MLLT10: variants seen among roughly 807,000 people sequenced by gnomAD.
MLLT10 encodes MLLT10 histone lysine methyltransferase DOT1L cofactor, also known as protein AF-10.
A neutral mutation model predicts 129.1 loss-of-function variants in MLLT10; 30 were observed. The observed-to-expected ratio is 0.23, with a 90% confidence interval of 0.17 to 0.32. MLLT10 has a LOEUF of 0.32. Among genes scored for constraint, MLLT10 ranks in the 10% least tolerant of loss-of-function variants. The pLI, the probability that MLLT10 is intolerant of heterozygous loss-of-function variation, is 1.00. For missense variants in MLLT10, 1,119 were observed against 1,268.3 expected (o/e 0.88, Z 1.79); for synonymous variants, 490 against 446.4 (o/e 1.10, Z -1.23).
At chr10:21,607,999 T>G (rs1464403230) in intron 5 of MLLT10, among the ~76,000 whole-genome samples, 1 of 151,512 alleles carries the variant, frequency 6.6e-6, no homozygotes. Context: ...GATTCTTGAT[T>G]TACAGGTGTT....
At chr10:21,561,621 A>G (rs901859294) in intron 3 of MLLT10, among the ~76,000 whole-genome samples, 1 of 152,166 alleles carries the variant, frequency 6.6e-6, no homozygotes, top group Non-Finnish European at 1.5e-5. Flanking sequence ...GTGCAGTGTA[A>G]GATAAGTGTC....
At position 21,625,940 on chromosome 10, in the gene MLLT10, A is replaced by G. The variant is rs370206034; in HGVS notation, c.699+8733A>G. ...TACATCTCTTGGTATTTTACCTACAAACACCTCTGTTCCAATTCTAGGTTG... is the reference window on the plus strand; with the variant it reads ...TACATCTCTTGGTATTTTACCTACAGACACCTCTGTTCCAATTCTAGGTTG... On this transcript the variant is annotated intron_variant, in intron 8 of 22. Coordinates refer to ENST00000307729, the MANE Select transcript of MLLT10 (RefSeq NM_001195626.3). 2,552 of 802,482 alleles carry G rather than the reference A, an allele frequency of 3.2e-3. 67 individuals are homozygous for G. The South Asian group carries it at 0.033, about 10-fold the overall frequency. 49.7% of individuals were successfully genotyped at this position (802,482 alleles called of 1,614,324 possible).
chr10:21,652,593 T>A (rs2049152526), intron 9 of MLLT10, among the ~76,000 whole-genome samples: 1 of 152,138 alleles, frequency 6.6e-6, no homozygotes, highest in South Asian at 2.1e-4. Context: ...AATAAATAAG[T>A]TGGGAAGTGC....
rs1589143024 is a variant in MLLT10 at position 21,595,436 on chromosome 10, A to G, written c.401A>G (p.Asn134Ser). 1 of 1,608,856 alleles carries G rather than the reference A, an allele frequency of 6.2e-7. No individual in the cohort carries two copies. Among genetic ancestry groups the G allele is most frequent in the Non-Finnish European group, 8.5e-7 (1 of 1,175,758 alleles). ...CAGTCTGTTCCGCATGATCGTTATA[A>G]TAAGGTACAGTGGATATTATTTTAT... is the stretch of plus-strand genomic sequence containing the variant. ...VLQSVPHDRY[N>S]KTCYICDEQG... Residue 134 changes from asparagine (N) to serine (S), a missense_variant, in exon 5 of 23, where the codon AAT becomes AGT. Physicochemically the swap from Asn to Ser is conservative, Grantham distance 46. Around this residue, in one of 5 missense-constraint regions of MLLT10, gnomAD observed 44 missense variants for 114.3 expected, o/e 0.38. Coordinates refer to ENST00000307729, the MANE Select transcript of MLLT10 (RefSeq NM_001195626.3).
chr10:21,629,749 A>G (rs959506786), intron 8 of MLLT10, among the ~76,000 whole-genome samples: 2 of 152,200 alleles, frequency 1.3e-5, no homozygotes, highest in Non-Finnish European at 2.9e-5. Flanking sequence ...GAGTTTCAAT[A>G]TATTTATTGG....
At chr10:21,619,452 G>A (rs1268024206) in intron 8 of MLLT10, among the ~76,000 whole-genome samples, 2 of 152,136 alleles carry the variant, frequency 1.3e-5, no homozygotes, top group East Asian at 3.9e-4. Flanking sequence ...ATGTTATGGT[G>A]TTGAATGAAT....
At chr10:21,553,235 T>C (rs1281853222) in intron 3 of MLLT10, among the ~76,000 whole-genome samples, 2 of 152,202 alleles carry the variant, frequency 1.3e-5, no homozygotes, top group East Asian at 1.9e-4. Context: ...GAATTCTTGG[T>C]TGGAAATCAT....
chr10:21,631,094 A>G (rs1358887658), intron 8 of MLLT10, among the ~76,000 whole-genome samples: 2 of 152,034 alleles, frequency 1.3e-5, no homozygotes, highest in Non-Finnish European at 2.9e-5. Context: ...GCGGATCACA[A>G]GGTCAGGAGA....
Position 21,695,639 on chromosome 10 carries a change from G to A in MLLT10, c.1699+13382G>A, listed in dbSNP as rs75822300. Among the ~76,000 whole-genome samples, 631 of 152,160 alleles carry A rather than the reference G, an allele frequency of 4.1e-3. 7 individuals are homozygous for A. Among genetic ancestry groups the A allele is most frequent in the African/African-American group, 0.014 (601 of 41,518 alleles). On this transcript the variant is annotated intron_variant, in intron 13 of 22. Transcript: ENST00000307729. ...GTCTTGGAGGGCAGTCTAAATGTTTGTATCTGTTGATTTGTCATCGTGGGG... is the reference window on the plus strand; with the variant it reads ...GTCTTGGAGGGCAGTCTAAATGTTTATATCTGTTGATTTGTCATCGTGGGG...
chr10:21,651,143 C>T (rs2048993706), intron 8 of MLLT10, among the ~76,000 whole-genome samples: 1 of 152,148 alleles, frequency 6.6e-6, no homozygotes, highest in Admixed American at 6.5e-5. Context: ...ACGATCTTGG[C>T]TCACCACAAC....
intron 13 of MLLT10, among the ~76,000 whole-genome samples, chr10:21,689,069 A>C (rs2053569365): frequency 6.6e-6 from 1 of 152,114 alleles, no homozygotes; most frequent in African/African-American, 2.4e-5. Flanking sequence ...TAACATGCTG[A>C]TAAAGCTAAT....
chr10:21,723,642 G>A (rs762130815), intron 14 of MLLT10, among the ~76,000 whole-genome samples: 2 of 152,142 alleles, frequency 1.3e-5, no homozygotes, highest in East Asian at 3.9e-4. Flanking sequence ...TCCGCATTCT[G>A]TACTGTGTTT....
chr10:21,685,381 C>T (rs2053196714), intron 13 of MLLT10, among the ~76,000 whole-genome samples: 2 of 152,184 alleles, frequency 1.3e-5, no homozygotes, highest in African/African-American at 4.8e-5. Flanking sequence ...GTTGCACAGG[C>T]TGGAATGCAA....
chr10:21,681,563 G>A (rs2052741124), intron 12 of MLLT10, among the ~76,000 whole-genome samples, 187 bp downstream of exon 12: 1 of 152,176 alleles, frequency 6.6e-6, no homozygotes, highest in African/African-American at 2.4e-5. Flanking sequence ...CCATATTACA[G>A]TCAAGTTGTG....
chr10:21,563,685 G>C (rs1372631900), intron 3 of MLLT10, among the ~76,000 whole-genome samples: 1 of 151,964 alleles, frequency 6.6e-6, no homozygotes, highest in Non-Finnish European at 1.5e-5. Flanking sequence ...ATTTCCACTT[G>C]TAGGTTATTA....
chr10:21,536,903 C>T (rs943729176), intron 2 of MLLT10, among the ~76,000 whole-genome samples: 1 of 152,154 alleles, frequency 6.6e-6, no homozygotes, highest in Non-Finnish European at 1.5e-5. Flanking sequence ...CCTACCTCAG[C>T]CTCCCGAGTA....
chr10:21,670,368 T>A (rs1284012986), intron 9 of MLLT10, 81 bp from the exon 10 acceptor site: 111 of 1,331,990 alleles, frequency 8.3e-5, no homozygotes, highest in Admixed American at 1.7e-4. Context: ...CAAGTTCTTC[T>A]TATTAATGTG....
At chr10:21,708,821 G>A in intron 13 of MLLT10, 1 of 830,706 alleles carries the variant, frequency 1.2e-6, no homozygotes, top group Non-Finnish European at 1.5e-6. Flanking sequence ...AGAGGACCTG[G>A]TAGTTACAAC....
In MLLT10 at chr10:21,742,458, C is replaced by T. The variant is rs979945908; in HGVS notation, c.*475C>T. 4.6e-6 allele frequency: 1 copy of T among 217,102 alleles called. No individual in the cohort carries two copies. Among genetic ancestry groups the T allele is most frequent in the African/African-American group, 2.3e-5 (1 of 44,426 alleles). 13.4% of individuals were successfully genotyped at this position (217,102 alleles called of 1,614,324 possible). On this transcript the variant is annotated 3_prime_UTR_variant, in exon 23 of 23. Transcript: ENST00000307729. ...TCAAATTCCAAGGAACTAATTTCTT[C>T]TCCTGGAGTTGCATTGATTCAGTAT...
Sources: gnomAD v4.1 joint callset for allele counts (sites outside exome capture counted in the v4.1 genomes callset) on GRCh38, gnomAD v4.1.1 for gene constraint, gnomAD v4.1.1 regional missense constraint, MANE v1.5 for transcripts, NCBI Gene and HGNC (gene_info 2026-07-23, HGNC 2026-07-21) for gene names.